KSR1: variants seen among roughly 807,000 people sequenced by gnomAD.
The protein encoded by KSR1 is kinase suppressor of ras.
Under a neutral mutation model 92.9 loss-of-function variants are expected in KSR1, and 35 were observed. That is an observed-to-expected ratio of 0.38 (90% CI 0.29 to 0.50). The LOEUF (loss-of-function observed/expected upper bound fraction) is 0.50, where lower values mean the gene tolerates loss of function less well. Among genes scored for constraint, KSR1 ranks in the 20% least tolerant of loss-of-function variants. The pLI is 0.94. For missense variants in KSR1, 972 were observed against 1,158.5 expected (o/e 0.84, Z 2.34); for synonymous variants, 467 against 472.6 (o/e 0.99, Z 0.15).
At chr17:27,607,870 G>T in intron 14 of KSR1, 44 bp from the exon 15 acceptor site, 1 of 1,457,332 alleles carries the variant, frequency 6.9e-7, no homozygotes, top group African/African-American at 1.4e-5. Flanking sequence ...GGGTCAGGCC[G>T]CACCAGCCCC....
intron 1 of KSR1, among the ~76,000 whole-genome samples, chr17:27,491,561 T>G (rs1303336195): frequency 6.6e-6 from 1 of 152,056 alleles, no homozygotes; most frequent in East Asian, 1.9e-4. Flanking sequence ...TAATAGTACT[T>G]ACTTGGGGGG....
intron 1 of KSR1, chr17:27,483,606 AT>A (rs1248667316): frequency 6.6e-6 from 1 of 151,790 alleles, no homozygotes. Flanking sequence ...AAAAAAAGAA[AT>A]CACAGACCCA....
chr17:27,598,685 G>C (rs1199076315), intron 10 of KSR1, among the ~76,000 whole-genome samples: 1 of 152,136 alleles, frequency 6.6e-6, no homozygotes, highest in Non-Finnish European at 1.5e-5. Context: ...AAAAGCAAAG[G>C]GTGTGTTTGG....
Position 27,585,643 on chromosome 17 carries a change from T to C in KSR1, c.981-14T>C. 1 of 762,408 alleles carries C rather than the reference T, an allele frequency of 1.3e-6. No individual in the cohort carries two copies. The highest frequency in any genetic ancestry group is 2.4e-6 in the Non-Finnish European group (1 of 409,072). The allele number at this position is 762,408 out of a possible 1,614,324, so 47.2% of individuals were successfully genotyped here. A position where few individuals can be genotyped will look rare whatever the true frequency, so the allele number is the denominator to read the frequency against. ...GGTGACGTAATCCCCCTCTCTGCTT[T>C]TTGTCTCCTCCAGGTTTGGTAAGAG... On this transcript the variant is annotated splice_polypyrimidine_tract_variant and intron_variant, in intron 4 of 20. Coordinates refer to ENST00000644974, the MANE Select transcript of KSR1 (RefSeq NM_001394583.1).
intron 2 of KSR1, among the ~76,000 whole-genome samples, chr17:27,569,159 G>T (rs143958911): frequency 6.6e-6 from 1 of 151,988 alleles, no homozygotes; most frequent in South Asian, 2.1e-4. Context: ...TTACAATCAC[G>T]CATTTTGTAA....
intron 1 of KSR1, among the ~76,000 whole-genome samples, chr17:27,500,195 T>C (rs1174177610): frequency 3.3e-5 from 5 of 152,182 alleles, no homozygotes; most frequent in Admixed American, 3.3e-4. Flanking sequence ...TTCCGTGCAA[T>C]GCAGTGGGTG....
At chr17:27,526,301 T>G (rs764216770) in intron 1 of KSR1, 1 of 938,526 alleles carries the variant, frequency 1.1e-6, no homozygotes, top group East Asian at 2.5e-5. Context: ...TAGTTGTCGC[T>G]CTGTTACAGG....
intron 1 of KSR1, among the ~76,000 whole-genome samples, chr17:27,501,033 G>A (rs2069158242): frequency 6.6e-6 from 1 of 152,214 alleles, no homozygotes; most frequent in Non-Finnish European, 1.5e-5. Context: ...GGTTGCATGA[G>A]CTCCAGGATA....
intron 3 of KSR1, chr17:27,578,032 A>G (rs1444942922): frequency 2.3e-5 from 8 of 352,566 alleles, no homozygotes; most frequent in Non-Finnish European, 2.7e-5. Flanking sequence ...CAGAAGGCAC[A>G]TGCTGATGTG....
intron 1 of KSR1, among the ~76,000 whole-genome samples, chr17:27,537,749 T>C (rs1360501316): frequency 6.6e-6 from 1 of 152,008 alleles, no homozygotes; most frequent in Non-Finnish European, 1.5e-5. Flanking sequence ...AGGTATTAGG[T>C]GAGATAATAT....
At position 27,623,132 on chromosome 17, in the gene KSR1, G is replaced by A. The variant is rs183841047; in HGVS notation, c.2709-182G>A. 8.9e-5 allele frequency: 56 copies of A among 627,030 alleles called. No individual in the cohort carries two copies. The Admixed American group carries it at 1.2e-3, about 14-fold the overall frequency. The allele number at this position is 627,030 out of a possible 1,614,324, so 38.8% of individuals were successfully genotyped here. ...TGCTCCAAGTAGGACTACTTGGAGTGTAGCTGAGGCCTTGGACGCAGTATG... is the reference window on the plus strand; with the variant it reads ...TGCTCCAAGTAGGACTACTTGGAGTATAGCTGAGGCCTTGGACGCAGTATG... On this transcript the variant is annotated intron_variant, in intron 20 of 20. Coordinates refer to ENST00000644974, the MANE Select transcript of KSR1 (RefSeq NM_001394583.1).
chr17:27,500,682 T>C (rs2069145918), intron 1 of KSR1, among the ~76,000 whole-genome samples: 2 of 152,204 alleles, frequency 1.3e-5, no homozygotes, highest in African/African-American at 4.8e-5. Flanking sequence ...AATTGAGGAG[T>C]ACACATTGGA....
At chr17:27,597,523 A>T (rs556442006) in intron 10 of KSR1, 87 bp downstream of exon 10, 1 of 1,356,828 alleles carries the variant, frequency 7.4e-7, no homozygotes, top group African/African-American at 1.5e-5. Flanking sequence ...ATTCAAGGTC[A>T]GACATGGCCA....
chr17:27,545,869 G>A (rs988958384), intron 1 of KSR1, among the ~76,000 whole-genome samples: 6 of 152,214 alleles, frequency 3.9e-5, no homozygotes, highest in African/African-American at 1.4e-4. Context: ...TCAGGCTAAG[G>A]CCAGGTGGGC....
chr17:27,567,623 A>G lies in KSR1; in HGVS notation c.373-9869A>G, dbSNP rs2072134314. ...GCACTCATGTGACTTGGCGTCCCTT[A>G]GGCAGAGGGAGGTGATTCTCAGGGC... On this transcript the variant is annotated intron_variant, in intron 2 of 20. Coordinates refer to ENST00000644974, the MANE Select transcript of KSR1 (RefSeq NM_001394583.1). 3.3e-5 allele frequency among the ~76,000 whole-genome samples: 5 copies of G among 152,176 alleles called. No homozygotes were observed. The South Asian group carries it at 1.0e-3, about 32-fold the overall frequency.
At chr17:27,543,697 G>T (rs957841331) in intron 1 of KSR1, among the ~76,000 whole-genome samples, 1 of 152,190 alleles carries the variant, frequency 6.6e-6, no homozygotes, top group Admixed American at 6.5e-5. Flanking sequence ...GCCAGGTTAC[G>T]GGTGCAGATG....
intron 1 of KSR1, among the ~76,000 whole-genome samples, chr17:27,498,429 G>A (rs2150975321): frequency 6.6e-6 from 1 of 151,772 alleles, no homozygotes; most frequent in African/African-American, 2.4e-5. Context: ...TTCAACCACA[G>A]GGAAACAGCT....
chr17:27,585,664 AAG>A lies in KSR1; in HGVS notation c.985+9_985+10del, dbSNP rs1431574942. The A allele has an allele frequency of 1.3e-6, 1 of 764,908 alleles. No homozygotes were observed. Among genetic ancestry groups the A allele is most frequent in the East Asian group, 2.5e-5 (1 of 40,744 alleles). The allele number at this position is 764,908 out of a possible 1,614,324, so 47.4% of individuals were successfully genotyped here. On this transcript the variant is annotated splice_donor_5th_base_variant and intron_variant, in intron 5 of 20. Coordinates refer to ENST00000644974, the MANE Select transcript of KSR1 (RefSeq NM_001394583.1). ...GCTTTTTGTCTCCTCCAGGTTTGGT[AAG>A]AGAGATTCATTTCCATCCCCTCTAC...
chr17:27,533,219 C>T (rs1481181777), intron 1 of KSR1, among the ~76,000 whole-genome samples: 1 of 152,092 alleles, frequency 6.6e-6, no homozygotes, highest in Admixed American at 6.6e-5. Context: ...CGCCTCTGTA[C>T]AATGGGGATA....
Sources: allele counts gnomAD v4.1 joint callset (sites outside exome capture counted in the v4.1 genomes callset), GRCh38; gene constraint gnomAD v4.1.1; transcripts MANE v1.5; gene names NCBI Gene and HGNC (gene_info 2026-07-23, HGNC 2026-07-21).